Variants in MAP3K6 observed in about 807,000 individuals in gnomAD.
MAP3K6 encodes the protein apoptosis signal-regulating kinase 2.
In MAP3K6, 105 loss-of-function variants were observed where a neutral mutation model predicts 147.1. That is an observed-to-expected ratio of 0.71 (90% CI 0.61 to 0.84). The LOEUF (loss-of-function observed/expected upper bound fraction) is 0.84. MAP3K6 is among the 40% of genes least tolerant of loss of function. MAP3K6 has a pLI of 0.00. For synonymous variants in MAP3K6, 695 were observed against 732.4 expected, an observed-to-expected ratio of 0.95 and a Z score of 0.82; for missense variants, 1,569 against 1,715.0, an observed-to-expected ratio of 0.91 and a Z score of 1.50.
rs761377588 is a variant in MAP3K6 at position 27,360,401 on chromosome 1, C to A, written c.2055-33G>T. 1.9e-6 allele frequency: 3 copies of A among 1,600,164 alleles called. No individual in the cohort carries two copies. Among genetic ancestry groups the A allele is most frequent in the Middle Eastern group, 2.1e-4 (1 of 4,692 alleles). ...GAGGTAAGGGAGAGAGGAAAGGGAC[C>A]GAGGTGGGCAGAGAAGCCCCGCCCA... On this transcript the variant is annotated intron_variant, in intron 15 of 28. Transcript: ENST00000357582. The surrounding 1 kb of genome is among the most constrained non-coding windows in gnomAD (Gnocchi z 4.5).
In MAP3K6 at chr1:27,364,786, AGGTCAGGGAGGTC is replaced by A; in HGVS notation, c.454_466del (p.Asp152CysfsTer21). On this transcript the variant is annotated frameshift_variant, in exon 2 of 29. Coordinates refer to ENST00000357582, the MANE Select transcript of MAP3K6 (RefSeq NM_004672.5). LOFTEE classifies it high-confidence loss of function. This position sits in a 1 kb window ranked among gnomAD's most constrained non-coding sequence, Gnocchi z 4.4. ...CAGGCCACCTACCCGCAGGGCCTGC[AGGTCAGGGAGGTC>A]GGCCTGGGAGCAGAGGAGCACATTG... The A allele has an allele frequency of 5.0e-6, 8 of 1,613,584 alleles. No individual in the cohort carries two copies. The South Asian group carries it at 8.8e-5, about 18-fold the overall frequency.
intron 5 of MAP3K6, 131 bp downstream of exon 5, chr1:27,363,786 G>T: frequency 1.0e-6 from 1 of 962,486 alleles, no homozygotes. Context: ...CAAATAAGGA[G>T]GCCAACACTC....
Position 27,364,471 on chromosome 1 carries a change from G to T in MAP3K6, c.505-77C>A. The T allele has an allele frequency of 1.3e-6, 2 of 1,570,040 alleles. No individual in the cohort carries two copies. Among genetic ancestry groups the T allele is most frequent in the Non-Finnish European group, 1.8e-6 (2 of 1,142,674 alleles). ...GACAAGGGGAGTGAGAGCATCAAAGGTCAGCATCAGTGGGAATTGGAATCG... is the reference window on the plus strand; with the variant it reads ...GACAAGGGGAGTGAGAGCATCAAAGTTCAGCATCAGTGGGAATTGGAATCG... On this transcript the variant is annotated intron_variant, in intron 3 of 28. Coordinates refer to ENST00000357582, the MANE Select transcript of MAP3K6 (RefSeq NM_004672.5). This position sits in a 1 kb window ranked among gnomAD's most constrained non-coding sequence, Gnocchi z 4.4.
chr1:27,366,441 G>T lies in MAP3K6; in HGVS notation c.157C>A (p.Arg53=). 1 of 1,214,718 alleles carries T rather than the reference G, an allele frequency of 8.2e-7. No individual in the cohort carries two copies. Among genetic ancestry groups the T allele is most frequent in the Non-Finnish European group, 1.0e-6 (1 of 976,876 alleles). 75.2% of individuals were successfully genotyped at this position (1,214,718 alleles called of 1,614,324 possible). ...RPLSVVYVLT[R]EPQPGLEPRE... is the part of the protein sequence containing the mutation. ...GGCTCGAGCCCGGGCTGCGGCTCCCGGGTCAGCACGTAGACCACGCTGAGC... is the reference window on the plus strand; with the variant it reads ...GGCTCGAGCCCGGGCTGCGGCTCCCTGGTCAGCACGTAGACCACGCTGAGC... The change falls in exon 1 of 29, where the codon CGG becomes AGG. Residue 53 remains arginine, a synonymous_variant. Coordinates refer to ENST00000357582, the MANE Select transcript of MAP3K6 (RefSeq NM_004672.5). This position sits in a 1 kb window ranked among gnomAD's most constrained non-coding sequence, Gnocchi z 5.5.
At chr1:27,362,343 G>C in intron 8 of MAP3K6, 93 bp from the exon 9 acceptor site, 6 of 1,311,842 alleles carry the variant, frequency 4.6e-6, no homozygotes, top group Non-Finnish European at 6.3e-6. Context: ...CATGAACATA[G>C]ATATGAGTAT....
chr1:27,366,662 G>C lies in MAP3K6; in HGVS notation c.-65C>G. 9.7e-7 allele frequency: 1 copy of C among 1,032,448 alleles called. No individual in the cohort carries two copies. The highest frequency in any genetic ancestry group is 4.6e-5 in the South Asian group (1 of 21,630). The allele number at this position is 1,032,448 out of a possible 1,614,324, so 64.0% of individuals were successfully genotyped here. A position where few individuals can be genotyped will look rare whatever the true frequency, so the allele number is the denominator to read the frequency against. On this transcript the variant is annotated 5_prime_UTR_variant, in exon 1 of 29. Coordinates refer to ENST00000357582, the MANE Select transcript of MAP3K6 (RefSeq NM_004672.5). The surrounding 1 kb of genome is among the most constrained non-coding windows in gnomAD (Gnocchi z 5.5). Reference sequence around the variant, plus strand: ...CGGGGGCGGGGCAGGAGCCTGGGCCGGCAGATCAGGAATCTTGGGATCTGG... The same window carrying C: ...CGGGGGCGGGGCAGGAGCCTGGGCCCGCAGATCAGGAATCTTGGGATCTGG...
At chr1:27,356,191 CTCAGGTGATGAGCCCAAG>C (rs1571059407) in intron 26 of MAP3K6, 92 bp from the exon 27 acceptor site, 8 of 1,298,004 alleles carry the variant, frequency 6.2e-6, no homozygotes, top group South Asian at 2.4e-5. Context: ...CCAAGGCCCA[CTCAGGTGATGAGCCCAAG>C]TCAGGTGATG....
chr1:27,359,768 A>G lies in MAP3K6; in HGVS notation c.2319+90T>C, dbSNP rs1298282985. On this transcript the variant is annotated intron_variant, in intron 17 of 28. Coordinates refer to ENST00000357582, the MANE Select transcript of MAP3K6 (RefSeq NM_004672.5). The surrounding 1 kb of genome is among the most constrained non-coding windows in gnomAD (Gnocchi z 4.4). ...CCTACCCTTTGCAACAGGTCTGCTC[A>G]CTTAATCTAAACTGCCAGCCTGCGT... 6.3e-6 allele frequency: 10 copies of G among 1,575,166 alleles called. No homozygotes were observed. In the South Asian group the frequency reaches 1.0e-4, roughly 16 times the overall value.
chr1:27,361,152 C>CG lies in MAP3K6; in HGVS notation c.1832+4dup. 1.2e-6 allele frequency: 2 copies of CG among 1,603,738 alleles called. No homozygotes were observed. The highest frequency in any genetic ancestry group is 2.7e-5 in the African/African-American group (2 of 74,982). ...AGAGTACCCCGACCATGAAAGGCTG[C>CG]GCACCACTGGCAGTGCCCTACGCTG... On this transcript the variant is annotated splice_donor_region_variant and intron_variant, in intron 13 of 28. Transcript: ENST00000357582.
rs775539764 is a variant in MAP3K6, at chr1:27,357,020, A to G, written c.3353T>C (p.Val1118Ala). 13 of 1,613,806 alleles carry G rather than the reference A, an allele frequency of 8.1e-6. No individual in the cohort carries two copies. In the South Asian group the frequency reaches 1.2e-4, roughly 15 times the overall value. Residue 1118 changes from valine to alanine, a missense_variant, in exon 24 of 29, where the codon GTG becomes GCG. Transcript: ENST00000357582. ...LSRAVRAALGVLGPEVEKEAV... is the reference protein window; with the variant it reads ...LSRAVRAALGALGPEVEKEAV... The stretch of plus-strand genomic sequence containing the variant: ...CATTCCCCTCCTACCCGGTCCTAGC[A>G]CACCCAGGGCTGCCCGCACAGCACG...
At chr1:27,363,843 C>T in intron 5 of MAP3K6, 74 bp downstream of exon 5, 1 of 1,412,752 alleles carries the variant, frequency 7.1e-7, no homozygotes, top group Non-Finnish European at 9.4e-7. Flanking sequence ...GCAAGTGGCC[C>T]AGCCAGGAAC....
intron 24 of MAP3K6, 99 bp downstream of exon 24, chr1:27,356,910 C>T: frequency 1.4e-6 from 2 of 1,429,266 alleles, no homozygotes; most frequent in Non-Finnish European, 1.9e-6. Flanking sequence ...CCTGCCTGCC[C>T]CTGTCCCGCC....
chr1:27,357,925 G>A, intron 21 of MAP3K6, 49 bp from the exon 22 acceptor site: 1 of 1,529,284 alleles, frequency 6.5e-7, no homozygotes. Context: ...CAACCGGCCA[G>A]TCACCTCTGT....
chr1:27,362,457 T>A (rs1284483679), intron 8 of MAP3K6, among the ~76,000 whole-genome samples, 184 bp downstream of exon 8: 1 of 152,106 alleles, frequency 6.6e-6, no homozygotes, highest in Non-Finnish European at 1.5e-5. Context: ...TGGGAACATT[T>A]GTGGGTTTGA....
chr1:27,359,636 T>C lies in MAP3K6; in HGVS notation c.2320-114A>G, dbSNP rs1259487844. 1.2e-5 allele frequency: 18 copies of C among 1,497,404 alleles called. No individual in the cohort carries two copies. In the East Asian group the frequency reaches 3.9e-4, roughly 32 times the overall value. The allele number at this position is 1,497,404 out of a possible 1,614,324, so 92.8% of individuals were successfully genotyped here. A position where few individuals can be genotyped will look rare whatever the true frequency, so the allele number is the denominator to read the frequency against. On this transcript the variant is annotated intron_variant, in intron 17 of 28. Coordinates refer to ENST00000357582, the MANE Select transcript of MAP3K6 (RefSeq NM_004672.5). The surrounding 1 kb of genome is among the most constrained non-coding windows in gnomAD (Gnocchi z 4.4). Reference sequence around the variant, plus strand: ...AGCCTGGTCCTGCCTCTGTCAACACTCTCCCCTTGCCATCCCACTTATATG... The same window carrying C: ...AGCCTGGTCCTGCCTCTGTCAACACCCTCCCCTTGCCATCCCACTTATATG...
At chr1:27,363,716 G>A (rs2015870215) in intron 5 of MAP3K6, among the ~76,000 whole-genome samples, 168 bp from the exon 6 acceptor site, 1 of 152,206 alleles carries the variant, frequency 6.6e-6, no homozygotes, top group Admixed American at 6.5e-5. Flanking sequence ...TATGCCCCAT[G>A]CTGGGCGTTC....
chr1:27,366,378 A>C lies in MAP3K6; in HGVS notation c.220T>G (p.Cys74Gly). Residue 74 changes from cysteine to glycine, a missense_variant, in exon 1 of 29, where the codon TGC becomes GGC. By Grantham distance (159) the Cys-to-Gly change is radical. Coordinates refer to ENST00000357582, the MANE Select transcript of MAP3K6 (RefSeq NM_004672.5). This position sits in a 1 kb window ranked among gnomAD's most constrained non-coding sequence, Gnocchi z 5.5. The stretch of plus-strand genomic sequence containing the variant: ...ACCTGCGCGCAAGCCTCGCGCAGGC[A>C]GCGCAGGGGCAGCGGCTCCGCCTCG... ...GTEAEPLPLR[C>G]LREACAQVPR... 7.9e-7 allele frequency: 1 copy of C among 1,262,730 alleles called. No homozygotes were observed. The highest frequency in any genetic ancestry group is 1.0e-6 in the Non-Finnish European group (1 of 1,004,836). The allele number at this position is 1,262,730 out of a possible 1,614,324, so 78.2% of individuals were successfully genotyped here.
At position 27,359,869 on chromosome 1, in the gene MAP3K6, T is replaced by C; in HGVS notation, c.2308A>G (p.Arg770Gly). 1 of 1,614,180 alleles carries C rather than the reference T, an allele frequency of 6.2e-7. No homozygotes were observed. Among genetic ancestry groups the C allele is most frequent in the East Asian group, 2.2e-5 (1 of 44,878 alleles). ...GCCCCAGGGCTTACTTTTATGTCCC[T>C]GTGCACGATGTGGTTGTCGTGCAAG... ...GYLHDNHIVH[R>G]DIKGDNVLIN... The change falls in exon 17 of 29, where the codon AGG becomes GGG. Residue 770 changes from arginine (R) to glycine (G), a missense_variant. Transcript: ENST00000357582. The surrounding 1 kb of genome is among the most constrained non-coding windows in gnomAD (Gnocchi z 4.4).
Position 27,363,001 on chromosome 1 carries a change from C to T in MAP3K6, c.992G>A (p.Arg331Gln), listed in dbSNP as rs369889760. ...CAGCAGCACAGACAGGGCCTTCGCC[C>T]GGTCCCCAGGCCTGTTCCTCCTAGG... ...ALNRRNRPGD[R>Q]AKALSVLLPL... is the part of the protein sequence containing the mutation. Residue 331 changes from arginine (R) to glutamine (Q), a missense_variant, in exon 7 of 29, where the codon CGG becomes CAG. By Grantham distance (43) the Arg-to-Gln change is conservative. Coordinates refer to ENST00000357582, the MANE Select transcript of MAP3K6 (RefSeq NM_004672.5). The T allele has an allele frequency of 3.4e-5, 55 of 1,613,684 alleles. No homozygotes were observed. The highest frequency in any genetic ancestry group is 6.6e-5 in the South Asian group (6 of 91,076).
Sources: allele counts gnomAD v4.1 joint callset (sites outside exome capture counted in the v4.1 genomes callset), GRCh38; gene constraint gnomAD v4.1.1; non-coding constraint Gnocchi (gnomAD v3.1); transcripts MANE v1.5; gene names NCBI Gene and HGNC (gene_info 2026-07-23, HGNC 2026-07-21).